CNIH3: variants seen among roughly 807,000 people sequenced by gnomAD.
The protein encoded by CNIH3 is protein cornichon homolog 3.
CNIH3 carries 14 observed loss-of-function variants against 24.1 expected under a neutral mutation model. That is an observed-to-expected ratio of 0.58 (90% CI 0.38 to 0.91). The LOEUF (loss-of-function observed/expected upper bound fraction) is 0.91, where lower values mean the gene tolerates loss of function less well. CNIH3 is among the 40% of genes least tolerant of loss of function. The pLI is 0.00. For synonymous variants in CNIH3, 68 were observed against 73.8 expected, an observed-to-expected ratio of 0.92 and a Z score of 0.40; for missense variants, 178 against 196.8, an observed-to-expected ratio of 0.90 and a Z score of 0.57.
At chr1:224,506,233 G>A (rs757020951) in intron 1 of CNIH3, among the ~76,000 whole-genome samples, 2 of 152,230 alleles carry the variant, frequency 1.3e-5, no homozygotes, top group African/African-American at 4.8e-5. Context: ...CAGGCCTGGG[G>A]CCACATTCCC....
At chr1:224,718,670 A>G (rs1449643808) in intron 3 of CNIH3, among the ~76,000 whole-genome samples, 1 of 151,840 alleles carries the variant, frequency 6.6e-6, no homozygotes, top group East Asian at 1.9e-4. Context: ...GGGACGGGGG[A>G]TGAGAGGAGG....
chr1:224,733,516 G>A (rs1197716837), intron 4 of CNIH3, among the ~76,000 whole-genome samples: 2 of 152,214 alleles, frequency 1.3e-5, no homozygotes, highest in East Asian at 1.9e-4. Flanking sequence ...GACAGATAAC[G>A]TCAGTGCAAT....
chr1:224,445,519 T>C (rs767567065), intron 1 of CNIH3, among the ~76,000 whole-genome samples: 1 of 139,162 alleles, frequency 7.2e-6, no homozygotes, highest in Non-Finnish European at 1.5e-5. Flanking sequence ...GAGGTTGCAA[T>C]GAGCTGAGAT....
chr1:224,685,759 A>T (rs1229790920), intron 3 of CNIH3, among the ~76,000 whole-genome samples: 1 of 152,190 alleles, frequency 6.6e-6, no homozygotes, highest in Non-Finnish European at 1.5e-5. Context: ...AGAGAGCTTA[A>T]TCAAGCAGCC....
At chr1:224,652,021 C>A (rs1235837445) in intron 1 of CNIH3, among the ~76,000 whole-genome samples, 2 of 152,106 alleles carry the variant, frequency 1.3e-5, no homozygotes, top group Non-Finnish European at 2.9e-5. Flanking sequence ...TAAAATGATA[C>A]CTCCTTGTCA....
intron 3 of CNIH3, among the ~76,000 whole-genome samples, chr1:224,691,875 A>C (rs7543218): frequency 0.5 from 75,582 of 152,078 alleles, 19,138 homozygotes; most frequent in East Asian, 0.66. Context: ...TGACTCTACA[A>C]ATTTACAAAT....
chr1:224,577,996 C>T (rs1681108852), intron 4 of CNIH3, among the ~76,000 whole-genome samples: 1 of 150,530 alleles, frequency 6.6e-6, no homozygotes, highest in South Asian at 2.1e-4. Flanking sequence ...TATGTTCTCA[C>T]TTATGAGCAG....
At position 224,684,849 on chromosome 1, in the gene CNIH3, T is replaced by C. The variant is rs1686576187; in HGVS notation, c.198+6T>C. 6.2e-7 allele frequency: 1 copy of C among 1,613,654 alleles called. No homozygotes were observed. The highest frequency in any genetic ancestry group is 1.7e-5 in the Admixed American group (1 of 60,004). ...TCTGCTTCCTTCTGCGAAAGGTCAG[T>C]GTGGCAGCTTCATGCCGAGGATGGA... On this transcript the variant is annotated splice_donor_region_variant and intron_variant, in intron 3 of 5. Coordinates refer to ENST00000272133, the MANE Select transcript of CNIH3 (RefSeq NM_152495.2). The surrounding 1 kb of genome is among the most constrained non-coding windows in gnomAD (Gnocchi z 4.2).
At chr1:224,713,632 T>A (rs2125206558) in intron 3 of CNIH3, among the ~76,000 whole-genome samples, 1 of 152,308 alleles carries the variant, frequency 6.6e-6, no homozygotes, top group South Asian at 2.1e-4. Flanking sequence ...TGGTTGGGGC[T>A]GAATAAACAT....
chr1:224,640,815 C>T (rs1025575360), intron 1 of CNIH3, among the ~76,000 whole-genome samples: 1 of 152,120 alleles, frequency 6.6e-6, no homozygotes, highest in Non-Finnish European at 1.5e-5. Context: ...GTGTGTCACC[C>T]CTGAGACATG....
chr1:224,546,329 C>T (rs894056239), intron 2 of CNIH3, among the ~76,000 whole-genome samples: 4 of 152,112 alleles, frequency 2.6e-5, no homozygotes, highest in African/African-American at 9.7e-5. Flanking sequence ...GGTTTGCAAA[C>T]AAAAATGACA....
chr1:224,620,364 G>A (rs1226725554), intron 1 of CNIH3, among the ~76,000 whole-genome samples: 1 of 152,164 alleles, frequency 6.6e-6, no homozygotes, highest in Non-Finnish European at 1.5e-5. Context: ...ACTTGAGCTA[G>A]GTCTGTGAGA....
intron 3 of CNIH3, among the ~76,000 whole-genome samples, chr1:224,728,844 C>T (rs1185201662): frequency 1.3e-5 from 2 of 152,142 alleles, no homozygotes; most frequent in East Asian, 1.9e-4. Context: ...TGCACTTTAC[C>T]ACGTATTTGT....
At chr1:224,599,260 G>C (rs998192345) in intron 3 of CNIH3, among the ~76,000 whole-genome samples, 13 of 152,204 alleles carry the variant, frequency 8.5e-5, no homozygotes, top group Admixed American at 6.5e-4. Context: ...TTTGTAATCA[G>C]TTGGCAGGCT....
At chr1:224,504,828 G>A (rs1219880741) in intron 1 of CNIH3, among the ~76,000 whole-genome samples, 1 of 152,120 alleles carries the variant, frequency 6.6e-6, no homozygotes, top group Admixed American at 6.5e-5. Flanking sequence ...TATCTCATCA[G>A]GCTGTTTAGA....
chr1:224,521,846 C>G (rs1182020918), intron 2 of CNIH3, among the ~76,000 whole-genome samples: 1 of 152,106 alleles, frequency 6.6e-6, no homozygotes, highest in African/African-American at 2.4e-5. Flanking sequence ...CATCCCCCAC[C>G]TTATTTTTTT....
chr1:224,734,118 G>A (rs1329253069), intron 4 of CNIH3, among the ~76,000 whole-genome samples: 2 of 152,208 alleles, frequency 1.3e-5, no homozygotes, highest in East Asian at 1.9e-4. Context: ...ACTGCTCTGC[G>A]CTCAAGTGAG....
intron 1 of CNIH3, among the ~76,000 whole-genome samples, chr1:224,624,558 C>T (rs1007398962): frequency 1.3e-5 from 2 of 152,176 alleles, no homozygotes; most frequent in Non-Finnish European, 2.9e-5. Context: ...CCAGCCATGT[C>T]TGTCCCCTCC....
upstream of CNIH3, among the ~76,000 whole-genome samples, chr1:224,611,951 A>T (rs1682721887): frequency 6.6e-6 from 1 of 152,218 alleles, no homozygotes; most frequent in Non-Finnish European, 1.5e-5. Flanking sequence ...TATTTTCTGA[A>T]GTTTTGCAGT....
Sources: gnomAD v4.1 joint callset for allele counts (sites outside exome capture counted in the v4.1 genomes callset) on GRCh38, gnomAD v4.1.1 for gene constraint, Gnocchi (gnomAD v3.1) non-coding constraint, MANE v1.5 for transcripts, NCBI Gene and HGNC (gene_info 2026-07-23, HGNC 2026-07-21) for gene names.